TRAPPC6A: variants seen among roughly 807,000 people sequenced by gnomAD.
TRAPPC6A encodes TRAPP complex subunit 6A.
In TRAPPC6A, 25 loss-of-function variants were observed where a neutral mutation model predicts 20.8. That is an observed-to-expected ratio of 1.20 (90% CI 0.88 to 1.68). TRAPPC6A has a LOEUF of 1.68. Ranked by LOEUF, TRAPPC6A falls within the 40% of genes most tolerant of loss-of-function variation. TRAPPC6A has a pLI of 0.00. For synonymous variants in TRAPPC6A, 96 were observed against 93.3 expected, an observed-to-expected ratio of 1.03 and a Z score of -0.16; for missense variants, 215 against 211.6, an observed-to-expected ratio of 1.02 and a Z score of -0.10.
In TRAPPC6A at chr19:45,163,223, C is replaced by A; in HGVS notation, c.449G>T (p.Cys150Phe). ...TTTCGGAATCACCACCTGGAACTTA[C>A]CTGGAAGAGAAGGCCTGGCTTAGGC... ...VTASVAALPV[C>F]KFQVVIPKS The change falls in exon 6 of 6, where the codon TGT becomes TTT. Residue 150 changes from cysteine (C) to phenylalanine (F), a missense_variant and splice_region_variant. Transcript: ENST00000585934. The surrounding 1 kb of genome is among the most constrained non-coding windows in gnomAD (Gnocchi z 5.3). 6.2e-7 allele frequency: 1 copy of A among 1,613,882 alleles called. No individual in the cohort carries two copies. The highest frequency in any genetic ancestry group is 8.5e-7 in the Non-Finnish European group (1 of 1,179,850).
chr19:45,171,030 G>A (rs973729840), intron 1 of TRAPPC6A, among the ~76,000 whole-genome samples: 3 of 152,302 alleles, frequency 2.0e-5, no homozygotes, highest in South Asian at 2.1e-4. Flanking sequence ...GGCTGGGCGC[G>A]GGGGCTCTTG....
At chr19:45,174,110 G>T (rs751653830) in intron 1 of TRAPPC6A, among the ~76,000 whole-genome samples, 25 of 152,170 alleles carry the variant, frequency 1.6e-4, no homozygotes, top group Non-Finnish European at 3.5e-4. Context: ...ACAGGCTTTG[G>T]AAGTGGGAGG....
Position 45,164,206 on chromosome 19 carries a change from G to A in TRAPPC6A, c.312C>T (p.Leu104=), listed in dbSNP as rs376255270. 2.7e-5 allele frequency: 44 copies of A among 1,610,002 alleles called. No homozygotes were observed. Among genetic ancestry groups the A allele is most frequent in the Non-Finnish European group, 3.5e-5 (41 of 1,178,028 alleles). The part of the protein sequence containing the change: ...VLQDNSFPLL[L]PMASGLQYLE... ...GATACTGCAGGCCAGAGGCCATCGG[G>A]AGGAGGAGGGGGAAGCTGTTGTCTT... Residue 104 remains leucine (L), a synonymous_variant, in exon 4 of 6, where the codon CTC becomes CTT. Coordinates refer to ENST00000585934, the MANE Select transcript of TRAPPC6A (RefSeq NM_001270891.2).
rs531629120 is a variant in TRAPPC6A at position 45,172,586 on chromosome 19, G to A, written c.84+5549C>T. 6.6e-6 allele frequency among the ~76,000 whole-genome samples: 1 copy of A among 151,606 alleles called. No individual in the cohort carries two copies. The highest frequency in any genetic ancestry group is 1.5e-5 in the Non-Finnish European group (1 of 68,006). ...TGGCACACAGATGGGTGAGTGAGGG[G>A]TGGGTGCGAGAAGCCTGCAGGACTT... On this transcript the variant is annotated intron_variant, in intron 1 of 5. Coordinates refer to ENST00000585934, the MANE Select transcript of TRAPPC6A (RefSeq NM_001270891.2). This position sits in a 1 kb window ranked among gnomAD's most constrained non-coding sequence, Gnocchi z 4.2.
At position 45,173,875 on chromosome 19, in the gene TRAPPC6A, C is replaced by A. The variant is rs12610524; in HGVS notation, c.84+4260G>T. ...CTGAGGCCTGACACTCAGGCCTCAC[C>A]CCAACCGGGTTCGTCAGAGTCTCTG... On this transcript the variant is annotated intron_variant, in intron 1 of 5. Coordinates refer to ENST00000585934, the MANE Select transcript of TRAPPC6A (RefSeq NM_001270891.2). The surrounding 1 kb of genome is among the most constrained non-coding windows in gnomAD (Gnocchi z 4.8). 6.6e-6 allele frequency among the ~76,000 whole-genome samples: 1 copy of A among 152,084 alleles called. No individual in the cohort carries two copies. Among genetic ancestry groups the A allele is most frequent in the Non-Finnish European group, 1.5e-5 (1 of 68,018 alleles).
intron 1 of TRAPPC6A, among the ~76,000 whole-genome samples, chr19:45,165,462 GA>G (rs1461474638): frequency 6.6e-6 from 1 of 152,208 alleles, no homozygotes; most frequent in Admixed American, 6.5e-5. Flanking sequence ...CTTCCCTCAG[GA>G]ACAATGGGGG....
Position 45,163,362 on chromosome 19 carries a change from C to T in TRAPPC6A, c.449-139G>A. The stretch of plus-strand genomic sequence containing the variant: ...GGGCTGTTTCCTCCCGCCCACGGGG[C>T]CGCATCCCTGAGCTGTGTGAGTAAC... On this transcript the variant is annotated intron_variant, in intron 5 of 5. Transcript: ENST00000585934. This position sits in a 1 kb window ranked among gnomAD's most constrained non-coding sequence, Gnocchi z 5.3. 1 of 899,738 alleles carries T rather than the reference C, an allele frequency of 1.1e-6. No individual in the cohort carries two copies. Among genetic ancestry groups the T allele is most frequent in the Non-Finnish European group, 1.7e-6 (1 of 575,794 alleles). The allele number at this position is 899,738 out of a possible 1,614,324, so 55.7% of individuals were successfully genotyped here. A position where few individuals can be genotyped will look rare whatever the true frequency, so the allele number is the denominator to read the frequency against.
At chr19:45,170,051 G>C (rs1969237677) in intron 1 of TRAPPC6A, among the ~76,000 whole-genome samples, 1 of 152,200 alleles carries the variant, frequency 6.6e-6, no homozygotes, top group Non-Finnish European at 1.5e-5. Flanking sequence ...GTGCAGTGCA[G>C]AGCCTGCCCT....
In TRAPPC6A at chr19:45,165,209, G is replaced by T. The variant is rs999942537; in HGVS notation, c.85-15C>A. 1 of 1,587,374 alleles carries T rather than the reference G, an allele frequency of 6.3e-7. No individual in the cohort carries two copies. Among genetic ancestry groups the T allele is most frequent in the East Asian group, 2.4e-5 (1 of 42,444 alleles). ...ATCTTCTGTCCCTAGAAGGCCAGGG[G>T]AGAGATGCTCAGGGGCCCTTAGCCA... On this transcript the variant is annotated splice_polypyrimidine_tract_variant and intron_variant, in intron 1 of 5. Transcript: ENST00000585934.
At chr19:45,165,068 C>A in intron 2 of TRAPPC6A, 59 bp downstream of exon 2, 2 of 1,611,176 alleles carry the variant, frequency 1.2e-6, no homozygotes, top group East Asian at 2.2e-5. Flanking sequence ...CCCTCCCCGC[C>A]CGGGGCCTGC....
intron 1 of TRAPPC6A, among the ~76,000 whole-genome samples, chr19:45,167,991 G>T (rs888824714): frequency 9.9e-4 from 135 of 136,080 alleles, no homozygotes; most frequent in African/African-American, 3.6e-3. Context: ...GCAAGACCCT[G>T]TCTTTTTTTT....
Position 45,173,972 on chromosome 19 carries a change from C to T in TRAPPC6A, c.84+4163G>A, listed in dbSNP as rs975767703. Among the ~76,000 whole-genome samples, 5 of 152,174 alleles carry T rather than the reference C, an allele frequency of 3.3e-5. No individual in the cohort carries two copies. The highest frequency in any genetic ancestry group is 2.9e-5 in the Non-Finnish European group (2 of 68,020). On this transcript the variant is annotated intron_variant, in intron 1 of 5. Transcript: ENST00000585934. The surrounding 1 kb of genome is among the most constrained non-coding windows in gnomAD (Gnocchi z 4.8). ...CCCTGCCCAAGGTCCCAGGCACATT[C>T]GTGTGCTCTGAAAGGCTGGTGGTGA...
At chr19:45,177,501 CG>C (rs1206681964) in intron 1 of TRAPPC6A, among the ~76,000 whole-genome samples, 21 of 152,228 alleles carry the variant, frequency 1.4e-4, no homozygotes, top group African/African-American at 4.8e-4. Context: ...CCATCATGCT[CG>C]GCTAATTTTT....
At chr19:45,171,219 T>A (rs1305987572) in intron 1 of TRAPPC6A, among the ~76,000 whole-genome samples, 1 of 152,158 alleles carries the variant, frequency 6.6e-6, no homozygotes, top group African/African-American at 2.4e-5. Flanking sequence ...CCAGGATCGC[T>A]TGAACCCGGG....
intron 1 of TRAPPC6A, among the ~76,000 whole-genome samples, chr19:45,175,335 G>C (rs183933510): frequency 3.7e-5 from 5 of 136,774 alleles, no homozygotes; most frequent in African/African-American, 1.1e-4. Context: ...GCTGAGGCAG[G>C]AGAATGGCAT....
At position 45,162,986 on chromosome 19, in the gene TRAPPC6A, C is replaced by T. The variant is rs145341467; in HGVS notation, c.*206G>A. 1.4e-3 allele frequency: 611 copies of T among 445,516 alleles called. 2 individuals are homozygous for T. The highest frequency in any genetic ancestry group is 0.01 in the African/African-American group (516 of 49,600). 27.6% of individuals were successfully genotyped at this position (445,516 alleles called of 1,614,324 possible). A position where few individuals can be genotyped will look rare whatever the true frequency, so the allele number is the denominator to read the frequency against. On this transcript the variant is annotated 3_prime_UTR_variant, in exon 6 of 6. Coordinates refer to ENST00000585934, the MANE Select transcript of TRAPPC6A (RefSeq NM_001270891.2). Reference sequence around the variant, plus strand: ...CTACTGGGCAGTGACGCTGCCGAGGCGGGAATCCCACCACAGTCCTGACCG... The same window carrying T: ...CTACTGGGCAGTGACGCTGCCGAGGTGGGAATCCCACCACAGTCCTGACCG...
At chr19:45,177,952 C>T in intron 1 of TRAPPC6A, 183 bp downstream of exon 1, 2 of 1,144,428 alleles carry the variant, frequency 1.7e-6, no homozygotes, top group Non-Finnish European at 2.4e-6. Flanking sequence ...CTCAATTTAG[C>T]AATAACCCCG....
rs1225973088 is a variant in TRAPPC6A at position 45,172,057 on chromosome 19, G to A, written c.84+6078C>T. Among the ~76,000 whole-genome samples, 2 of 151,810 alleles carry A rather than the reference G, an allele frequency of 1.3e-5. No homozygotes were observed. The highest frequency in any genetic ancestry group is 1.3e-4 in the Admixed American group (2 of 15,236). On this transcript the variant is annotated intron_variant, in intron 1 of 5. Transcript: ENST00000585934. The surrounding 1 kb of genome is among the most constrained non-coding windows in gnomAD (Gnocchi z 4.2). ...GGCTTCTCCTCCTTAGAGAACAAAG[G>A]CCTTCCTGGCCCCTCTGGCCGGTCC...
chr19:45,164,502 C>T lies in TRAPPC6A; in HGVS notation c.271-255G>A, dbSNP rs554662033. ...GGGTTGTGCAGAAAAGCTGGGGACC[C>T]GGCCCAGGAAGATGCAGAAGGGCAG... On this transcript the variant is annotated intron_variant, in intron 3 of 5. Coordinates refer to ENST00000585934, the MANE Select transcript of TRAPPC6A (RefSeq NM_001270891.2). Among the ~76,000 whole-genome samples, 20 of 152,224 alleles carry T rather than the reference C, an allele frequency of 1.3e-4. No homozygotes were observed. In the South Asian group the frequency reaches 2.7e-3, roughly 20 times the overall value.
Sources: gnomAD v4.1 joint callset for allele counts (sites outside exome capture counted in the v4.1 genomes callset) on GRCh38, gnomAD v4.1.1 for gene constraint, Gnocchi (gnomAD v3.1) non-coding constraint, MANE v1.5 for transcripts, NCBI Gene and HGNC (gene_info 2026-07-23, HGNC 2026-07-21) for gene names.